Variants in CADM1 observed in about 807,000 individuals in gnomAD.
The protein encoded by CADM1 is TSLC-1.
In CADM1, 15 loss-of-function variants were observed where a neutral mutation model predicts 53.1. The observed-to-expected ratio is 0.28, with a 90% CI of 0.19 to 0.44. The LOEUF is 0.44. Ranked by LOEUF, CADM1 falls within the 20% of genes least tolerant of loss-of-function variation. CADM1 has a pLI of 1.00. For missense variants in CADM1, 434 were observed against 611.3 expected (o/e 0.71, Z 3.06); for synonymous variants, 281 against 243.0 (o/e 1.16, Z -1.45).
At chr11:115,451,487 G>A (rs537318431) in intron 1 of CADM1, among the ~76,000 whole-genome samples, 6 of 152,210 alleles carry the variant, frequency 3.9e-5, no homozygotes, top group East Asian at 1.9e-4. Context: ...GGTCCCAGGC[G>A]AAAAAGGACA....
intron 1 of CADM1, among the ~76,000 whole-genome samples, chr11:115,469,484 C>T (rs528904741): frequency 2.0e-4 from 31 of 152,280 alleles, no homozygotes; most frequent in African/African-American, 6.0e-4. Context: ...GGTGGTCAGT[C>T]TCTTGTTCCA....
At chr11:115,417,198 T>G (rs1947619113) in intron 1 of CADM1, among the ~76,000 whole-genome samples, 1 of 152,214 alleles carries the variant, frequency 6.6e-6, no homozygotes. Context: ...CTCATTAAAC[T>G]GTTATATCAC....
chr11:115,181,058 G>A (rs577055862), intron 10 of CADM1, among the ~76,000 whole-genome samples: 1 of 151,288 alleles, frequency 6.6e-6, no homozygotes, highest in Admixed American at 6.6e-5. Context: ...TCGAGAAGCT[G>A]TCCAGGACAG....
intron 10 of CADM1, among the ~76,000 whole-genome samples, chr11:115,187,506 G>A (rs1469210339): frequency 6.6e-6 from 1 of 152,154 alleles, no homozygotes; most frequent in Non-Finnish European, 1.5e-5. Flanking sequence ...TCGGCTTACT[G>A]CAACCTCCAC....
chr11:115,371,012 G>T (rs1946293409), intron 1 of CADM1, among the ~76,000 whole-genome samples: 1 of 152,098 alleles, frequency 6.6e-6, no homozygotes, highest in South Asian at 2.1e-4. Context: ...CAAAATAAAA[G>T]CAGCAACACT....
intron 1 of CADM1, among the ~76,000 whole-genome samples, chr11:115,344,032 A>T (rs1420216109): frequency 6.6e-6 from 1 of 152,164 alleles, no homozygotes; most frequent in African/African-American, 2.4e-5. Flanking sequence ...TAAAATTTAA[A>T]AGTTGTAGAC....
chr11:115,321,231 A>G (rs1410094803), intron 1 of CADM1, among the ~76,000 whole-genome samples: 1 of 152,204 alleles, frequency 6.6e-6, no homozygotes, highest in African/African-American at 2.4e-5. Flanking sequence ...CTACTTACCA[A>G]TTTGGTTTTC....
chr11:115,249,431 CCGGTGT>C (rs1942517458), intron 1 of CADM1, among the ~76,000 whole-genome samples: 5 of 152,238 alleles, frequency 3.3e-5, no homozygotes, highest in Non-Finnish European at 5.9e-5. Context: ...CTCACTTCAT[CCGGTGT>C]TGTTGGTCAC....
At chr11:115,251,631 T>C (rs1479898497) in intron 1 of CADM1, among the ~76,000 whole-genome samples, 2 of 152,222 alleles carry the variant, frequency 1.3e-5, no homozygotes, top group Non-Finnish European at 2.9e-5. Context: ...TGAACTATTA[T>C]ATGAAATGAC....
chr11:115,351,335 T>C (rs542525777), intron 1 of CADM1, among the ~76,000 whole-genome samples: 20 of 152,252 alleles, frequency 1.3e-4, no homozygotes, highest in African/African-American at 4.8e-4. Context: ...TGATCTACTA[T>C]CTGAAAAGGA....
chr11:115,441,887 C>A (rs1948321322), intron 1 of CADM1, among the ~76,000 whole-genome samples: 1 of 151,904 alleles, frequency 6.6e-6, no homozygotes, highest in African/African-American at 2.4e-5. Flanking sequence ...ACAAAAAAAA[C>A]CCATGATAGT....
intron 1 of CADM1, among the ~76,000 whole-genome samples, chr11:115,298,653 G>C (rs1259882858): frequency 6.6e-6 from 1 of 152,212 alleles, no homozygotes; most frequent in Non-Finnish European, 1.5e-5. Flanking sequence ...TTGAGAAAGA[G>C]TTGGAAAGAT....
intron 3 of CADM1, among the ~76,000 whole-genome samples, chr11:115,235,254 C>A (rs1941973219): frequency 6.6e-6 from 1 of 151,036 alleles, no homozygotes; most frequent in Admixed American, 6.6e-5. Flanking sequence ...AAGGGTTGGA[C>A]AAGAAAATCT....
chr11:115,211,482 T>TC (rs1458556636), intron 7 of CADM1, among the ~76,000 whole-genome samples: 4 of 143,676 alleles, frequency 2.8e-5, no homozygotes, highest in African/African-American at 1.0e-4. Flanking sequence ...TTTCTTTTTT[T>TC]TTTTTTTTTT....
At chr11:115,233,389 A>G (rs1415603201) in intron 3 of CADM1, among the ~76,000 whole-genome samples, 1 of 152,226 alleles carries the variant, frequency 6.6e-6, no homozygotes, top group Admixed American at 6.5e-5. Flanking sequence ...GGCTTTAACA[A>G]AAGAAATGGA....
intron 1 of CADM1, among the ~76,000 whole-genome samples, chr11:115,388,179 G>A (rs1946746446): frequency 1.3e-5 from 2 of 152,116 alleles, no homozygotes; most frequent in African/African-American, 4.8e-5. Context: ...GAGTCTATAA[G>A]TCAATACGAC....
intron 1 of CADM1, among the ~76,000 whole-genome samples, chr11:115,493,289 A>G (rs1466327152): frequency 6.6e-6 from 1 of 151,954 alleles, no homozygotes; most frequent in African/African-American, 2.4e-5. Flanking sequence ...AAAAAAAAAA[A>G]AAAAAGAGGG....
At chr11:115,286,923 A>T (rs1171587221) in intron 1 of CADM1, among the ~76,000 whole-genome samples, 1 of 152,236 alleles carries the variant, frequency 6.6e-6, no homozygotes, top group African/African-American at 2.4e-5. Context: ...CAGCAAAAGT[A>T]CATTCGCCTA....
intron 10 of CADM1, among the ~76,000 whole-genome samples, chr11:115,183,160 G>T (rs1337026923): frequency 6.6e-6 from 1 of 152,216 alleles, no homozygotes; most frequent in East Asian, 1.9e-4. Context: ...GACAAGAAAG[G>T]TGACTGCTAG....
Sources: allele counts gnomAD v4.1 joint callset (sites outside exome capture counted in the v4.1 genomes callset), GRCh38; gene constraint gnomAD v4.1.1; transcripts MANE v1.5; gene names NCBI Gene and HGNC (gene_info 2026-07-23, HGNC 2026-07-21).